The following GSE1 variants were observed in gnomAD, a reference collection of about 807,000 sequenced individuals.
The protein encoded by GSE1 is genetic suppressor element 1.
GSE1 carries 32 observed loss-of-function variants against 112.6 expected under a neutral mutation model. The observed-to-expected ratio is 0.28, with a 90% CI of 0.21 to 0.38. The LOEUF (loss-of-function observed/expected upper bound fraction) is 0.38, where lower values mean the gene tolerates loss of function less well. Ranked by LOEUF, GSE1 falls within the 10% of genes least tolerant of loss-of-function variation. The pLI, the probability that GSE1 is intolerant of heterozygous loss-of-function variation, is 1.00. For synonymous variants in GSE1, 1,115 were observed against 735.6 expected (o/e 1.52, Z -8.35); for missense variants, 2,348 against 1,699.2 (o/e 1.38, Z -6.71).
chr16:85,365,257 G>C (rs939899759), intron 2 of GSE1, among the ~76,000 whole-genome samples: 2 of 152,188 alleles, frequency 1.3e-5, no homozygotes, highest in African/African-American at 4.8e-5. Flanking sequence ...ACGGCGTCCT[G>C]GTCTCCCTGT....
chr16:85,222,182 T>C (rs1413590383), intron 1 of GSE1, among the ~76,000 whole-genome samples: 1 of 152,196 alleles, frequency 6.6e-6, no homozygotes, highest in Non-Finnish European at 1.5e-5. Context: ...TGGAGCAGCC[T>C]CCTGCACTTC....
At chr16:85,589,824 ATG>A (rs960474652) in intron 1 of GSE1, among the ~76,000 whole-genome samples, 1 of 144,046 alleles carries the variant, frequency 6.9e-6, no homozygotes, top group African/African-American at 2.9e-5. Context: ...GAGTGTGAAT[ATG>A]TGTGAATGTG....
chr16:85,496,305 G>T (rs2051175852), intron 2 of GSE1, among the ~76,000 whole-genome samples: 1 of 152,260 alleles, frequency 6.6e-6, no homozygotes, highest in South Asian at 2.1e-4. Context: ...CGACCGGGAT[G>T]GTTACAACAG....
At chr16:85,261,428 C>T (rs952700017) in intron 1 of GSE1, among the ~76,000 whole-genome samples, 2 of 152,210 alleles carry the variant, frequency 1.3e-5, no homozygotes, top group African/African-American at 4.8e-5. Flanking sequence ...AAGGGCTCAG[C>T]CAGGTAGGCA....
chr16:85,637,357 C>T (rs532106706), intron 2 of GSE1, among the ~76,000 whole-genome samples: 24 of 152,302 alleles, frequency 1.6e-4, no homozygotes, highest in Admixed American at 1.0e-3. Context: ...CTGGACGACC[C>T]GGGTCGGGGG....
chr16:85,292,323 TTTTTG>T (rs2045244603), intron 1 of GSE1, among the ~76,000 whole-genome samples: 3 of 47,970 alleles, frequency 6.3e-5, no homozygotes, highest in African/African-American at 2.3e-4. Context: ...TGTTTTTTTG[TTTTTG>T]TTTTTTTTTT....
Position 85,617,646 on chromosome 16 carries a change from G to A in GSE1, c.7+4248G>A, listed in dbSNP as rs560980510. 1.0e-2 allele frequency among the ~76,000 whole-genome samples: 1,329 copies of A among 132,968 alleles called. 7 individuals carry two copies. The highest frequency in any genetic ancestry group is 0.016 in the Non-Finnish European group (1,025 of 64,158). The allele number at this position is 132,968 out of a possible 152,430, so 87.2% of individuals were successfully genotyped here. ...CACGTGCAGCCCAAGCTGAGACCCT[G>A]GCTCTGCTTTCTTCCAGAGCAGCTT... On this transcript the variant is annotated intron_variant, in intron 1 of 15. Coordinates refer to ENST00000253458, the MANE Select transcript of GSE1 (RefSeq NM_014615.5).
At position 85,513,249 on chromosome 16, in the gene GSE1, G is replaced by A. The variant is rs1439266737; in HGVS notation, c.2465-120665G>A. On this transcript the variant is annotated intron_variant, in intron 2 of 2. Transcript: ENST00000637419. ...TGAACCCAGACTCCAGCCCGCCTGG[G>A]TTTTCCCTCCCGGCTCAGAGATGGC... is the stretch of plus-strand genomic sequence containing the variant. Among the ~76,000 whole-genome samples, 6 of 151,716 alleles carry A rather than the reference G, an allele frequency of 4.0e-5. 1 individual carries two copies. In the South Asian group the frequency reaches 1.3e-3, roughly 32 times the overall value.
intron 3 of GSE1, among the ~76,000 whole-genome samples, chr16:85,651,463 C>A (rs1226697828): frequency 3.3e-5 from 5 of 152,164 alleles, no homozygotes; most frequent in Non-Finnish European, 7.4e-5. Flanking sequence ...TGCCATCTGG[C>A]CTGCGAGCAG....
At chr16:85,222,772 GC>G (rs1017766508) in intron 1 of GSE1, among the ~76,000 whole-genome samples, 2 of 152,184 alleles carry the variant, frequency 1.3e-5, no homozygotes, top group Non-Finnish European at 2.9e-5. Context: ...AGGGTGGGGA[GC>G]TTTTGTTTAT....
chr16:85,487,577 C>T (rs1003862132), intron 2 of GSE1, among the ~76,000 whole-genome samples: 11 of 152,328 alleles, frequency 7.2e-5, no homozygotes, highest in Admixed American at 4.6e-4. Flanking sequence ...CTAGGTGACC[C>T]GCCCAGGTCA....
At chr16:85,510,807 A>AGGACTCATGGCTCC (rs1555524761) in intron 2 of GSE1, among the ~76,000 whole-genome samples, 3 of 151,492 alleles carry the variant, frequency 2.0e-5, no homozygotes, top group Non-Finnish European at 2.9e-5. Flanking sequence ...CCTGCCTCAC[A>AGGACTCATGGCTCC]GGCCTCATGG....
At chr16:85,180,566 G>T (rs1001004738) in intron 1 of GSE1, among the ~76,000 whole-genome samples, 2 of 152,222 alleles carry the variant, frequency 1.3e-5, no homozygotes, top group Admixed American at 6.5e-5. Flanking sequence ...TGCCTGCATT[G>T]CCCCACGTGA....
At chr16:85,670,909 C>T (rs2053275100) in intron 14 of GSE1, 86 bp from the exon 15 acceptor site, 3 of 827,014 alleles carry the variant, frequency 3.6e-6, no homozygotes, top group Non-Finnish European at 6.2e-6. Flanking sequence ...TTGGGCTCTG[C>T]TGGGCAGGGT....
At chr16:85,514,367 A>G (rs201636586) in intron 2 of GSE1, among the ~76,000 whole-genome samples, 3 of 83,672 alleles carry the variant, frequency 3.6e-5, no homozygotes, top group Admixed American at 1.4e-4. Context: ...GTGGGACACC[A>G]CCCCCCCATC....
At chr16:85,398,320 T>C (rs1167437723) in intron 2 of GSE1, among the ~76,000 whole-genome samples, 1 of 152,140 alleles carries the variant, frequency 6.6e-6, no homozygotes, top group Non-Finnish European at 1.5e-5. Flanking sequence ...CACTGAGGCC[T>C]GAGGGGTCGC....
chr16:85,347,953 A>AGAAAT (rs2046776756), intron 1 of GSE1, among the ~76,000 whole-genome samples: 1 of 152,200 alleles, frequency 6.6e-6, no homozygotes, highest in Non-Finnish European at 1.5e-5. Context: ...TCCAATGACA[A>AGAAAT]GCTTTTCTTT....
intron 1 of GSE1, among the ~76,000 whole-genome samples, chr16:85,334,592 T>G (rs1049998772): frequency 7.9e-5 from 12 of 152,176 alleles, no homozygotes; most frequent in African/African-American, 2.9e-4. Context: ...GCATTGACTT[T>G]TGGGGACGCT....
chr16:85,387,877 T>C (rs2047721615), intron 2 of GSE1, among the ~76,000 whole-genome samples: 1 of 152,146 alleles, frequency 6.6e-6, no homozygotes, highest in African/African-American at 2.4e-5. Context: ...ATTGGTTGGA[T>C]GGGTGGGTGG....
Sources: gnomAD v4.1 joint callset for allele counts (sites outside exome capture counted in the v4.1 genomes callset) on GRCh38, gnomAD v4.1.1 for gene constraint, MANE v1.5 for transcripts, NCBI Gene and HGNC (gene_info 2026-07-23, HGNC 2026-07-21) for gene names.